TBR1: variants seen among roughly 807,000 people sequenced by gnomAD.
TBR1 encodes the protein T-box brain transcription factor 1.
In TBR1, 7 loss-of-function variants were observed where a neutral mutation model predicts 60.3. The observed-to-expected ratio is 0.12, with a 90% confidence interval of 0.07 to 0.22. The LOEUF is 0.22. Ranked by LOEUF, TBR1 falls within the 10% of genes least tolerant of loss-of-function variation. TBR1 has a pLI of 1.00. For synonymous variants in TBR1, 417 were observed against 409.9 expected (o/e 1.02, Z -0.21); for missense variants, 616 against 936.8 (o/e 0.66, Z 4.47).
Position 161,417,286 on chromosome 2 carries a change from G to C in TBR1, c.692+184G>C, listed in dbSNP as rs1684139952. ...CCGCCAGGGTGATGTTGGTGGGGGG[G>C]ACCCCGTTCTAGGAACATAGTGGGA... is the stretch of plus-strand genomic sequence containing the variant. On this transcript the variant is annotated intron_variant, in intron 1 of 5. Transcript: ENST00000389554. This position sits in a 1 kb window ranked among gnomAD's most constrained non-coding sequence, Gnocchi z 5.3. The C allele has an allele frequency of 1.5e-6, 1 of 656,724 alleles. No individual in the cohort carries two copies. The allele number at this position is 656,724 out of a possible 1,614,324, so 40.7% of individuals were successfully genotyped here. A position where few individuals can be genotyped will look rare whatever the true frequency, so the allele number is the denominator to read the frequency against.
intron 5 of TBR1, chr2:161,420,951 T>G (rs1188234020): frequency 6.6e-6 from 1 of 152,278 alleles, no homozygotes; most frequent in Non-Finnish European, 1.5e-5. Flanking sequence ...AGGTGTGTTT[T>G]AATTAAACAT....
rs763927399 is a variant in TBR1 at position 161,418,843 on chromosome 2, G to T, written c.970-49G>T. 3.0e-5 allele frequency: 48 copies of T among 1,584,662 alleles called. 1 individual carries two copies. The highest frequency in any genetic ancestry group is 1.9e-4 in the South Asian group (17 of 88,650). ...GGGCGCACACAGCCACGCGCACAGC[G>T]ACCGCGTTAACACGCCACCCGGCGC... is the stretch of plus-strand genomic sequence containing the variant. On this transcript the variant is annotated intron_variant, in intron 3 of 5. Transcript: ENST00000389554.
chr2:161,424,249 C>G lies in TBR1; in HGVS notation c.*22C>G. 6.6e-7 allele frequency: 1 copy of G among 1,525,066 alleles called. No homozygotes were observed. The highest frequency in any genetic ancestry group is 1.2e-5 in the South Asian group (1 of 80,480). The allele number at this position is 1,525,066 out of a possible 1,614,324, so 94.5% of individuals were successfully genotyped here. ...CTAGGCCGCCCCTGCCCGCCCGGCCCCGCCGCGGCCCGGACCCCCAGCCAG... is the reference window on the plus strand; with the variant it reads ...CTAGGCCGCCCCTGCCCGCCCGGCCGCGCCGCGGCCCGGACCCCCAGCCAG... On this transcript the variant is annotated 3_prime_UTR_variant, in exon 6 of 6. Transcript: ENST00000389554. The surrounding 1 kb of genome is among the most constrained non-coding windows in gnomAD (Gnocchi z 4.4).
rs765698218 is a variant in TBR1, at chr2:161,417,653, C to T, written c.693-23C>T. ...ATGTTTCTTTTTTCCTTGTTTTCTC[C>T]CCCCACCCCTTAATTTAAATAGGCG... is the stretch of plus-strand genomic sequence containing the variant. On this transcript the variant is annotated intron_variant, in intron 1 of 5. Coordinates refer to ENST00000389554, the MANE Select transcript of TBR1 (RefSeq NM_006593.4). This position sits in a 1 kb window ranked among gnomAD's most constrained non-coding sequence, Gnocchi z 5.3. The T allele has an allele frequency of 3.1e-6, 5 of 1,596,492 alleles. No individual in the cohort carries two copies. Among genetic ancestry groups the T allele is most frequent in the East Asian group, 4.5e-5 (2 of 44,586 alleles).
chr2:161,416,764 T>A lies in TBR1; in HGVS notation c.354T>A (p.Thr118=), dbSNP rs1335134545. The change falls in exon 1 of 6, where the codon ACT becomes ACA. Residue 118 remains threonine (T), a synonymous_variant. Transcript: ENST00000389554. The surrounding 1 kb of genome is among the most constrained non-coding windows in gnomAD (Gnocchi z 6.1). ...SQSSQPQSAA[T]APSAMFPYPG... ...CCAGCCAGCCACAGTCTGCGGCCAC[T>A]GCTCCCAGTGCCATGTTCCCGTACC... 2.5e-6 allele frequency: 4 copies of A among 1,614,054 alleles called. No homozygotes were observed. Among genetic ancestry groups the A allele is most frequent in the Non-Finnish European group, 3.4e-6 (4 of 1,180,046 alleles).
At chr2:161,418,858 C>G in intron 3 of TBR1, 34 bp from the exon 4 acceptor site, 1 of 1,596,544 alleles carries the variant, frequency 6.3e-7, no homozygotes, top group East Asian at 2.3e-5. Flanking sequence ...CGTTAACACG[C>G]CACCCGGCGC....
chr2:161,418,855 A>G, intron 3 of TBR1, 37 bp from the exon 4 acceptor site: 1 of 1,595,390 alleles, frequency 6.3e-7, no homozygotes, highest in South Asian at 1.1e-5. Context: ...CCGCGTTAAC[A>G]CGCCACCCGG....
At position 161,417,152 on chromosome 2, in the gene TBR1, G is replaced by T. The variant is rs1237065008; in HGVS notation, c.692+50G>T. On this transcript the variant is annotated intron_variant, in intron 1 of 5. Transcript: ENST00000389554. The surrounding 1 kb of genome is among the most constrained non-coding windows in gnomAD (Gnocchi z 5.3). ...CTGCTCTAGGCGCAGCCGGGGACAA[G>T]TGCACCTAGGCTGTGACTGCCGCGG... 1 of 1,523,578 alleles carries T rather than the reference G, an allele frequency of 6.6e-7. No homozygotes were observed. The highest frequency in any genetic ancestry group is 2.3e-5 in the East Asian group (1 of 43,946). 94.4% of individuals were successfully genotyped at this position (1,523,578 alleles called of 1,614,324 possible). A position where few individuals can be genotyped will look rare whatever the true frequency, so the allele number is the denominator to read the frequency against.
rs568889589 is a variant in TBR1, at chr2:161,418,169, G to C, written c.848-32G>C. 1,884 of 1,599,310 alleles carry C rather than the reference G, an allele frequency of 1.2e-3. 34 individuals are homozygous for C. In the South Asian group the frequency reaches 0.02, roughly 17 times the overall value. ...GGAGCTGGGACTGGGCAGTGCCAGG[G>C]GCATATGTAAACAATGTATTTCTTT... On this transcript the variant is annotated intron_variant, in intron 2 of 5. Coordinates refer to ENST00000389554, the MANE Select transcript of TBR1 (RefSeq NM_006593.4).
In TBR1 at chr2:161,416,941, A is replaced by G; in HGVS notation, c.531A>G (p.Pro177=). ...ACCCCACGGCCGGCTACCCCTACCCACAGCAGTACGGCCACTCCTACCAAG... is the reference window on the plus strand; with the variant it reads ...ACCCCACGGCCGGCTACCCCTACCCGCAGCAGTACGGCCACTCCTACCAAG... ...QGYPTAGYPY[P]QQYGHSYQGA... The change falls in exon 1 of 6, where the codon CCA becomes CCG. Residue 177 remains proline (P), a synonymous_variant. Coordinates refer to ENST00000389554, the MANE Select transcript of TBR1 (RefSeq NM_006593.4). The surrounding 1 kb of genome is among the most constrained non-coding windows in gnomAD (Gnocchi z 6.1). 1 of 1,613,962 alleles carries G rather than the reference A, an allele frequency of 6.2e-7. No homozygotes were observed.
chr2:161,420,415 C>CTTTTTTTTTTTTTTTTTTTTTTT (rs1318718499), intron 5 of TBR1, 158 bp downstream of exon 5: 2 of 187,390 alleles, frequency 1.1e-5, no homozygotes, highest in Non-Finnish European at 2.2e-5. Flanking sequence ...TCTTCTTCCT[C>CTTTTTTTTTTTTTTTTTTTTTTT]TTCTTTTTTT....
At position 161,417,129 on chromosome 2, in the gene TBR1, G is replaced by A; in HGVS notation, c.692+27G>A. ...TAATACTACATTTTTGGCTGCCGCTGCTCTAGGCGCAGCCGGGGACAAGTG... is the reference window on the plus strand; with the variant it reads ...TAATACTACATTTTTGGCTGCCGCTACTCTAGGCGCAGCCGGGGACAAGTG... On this transcript the variant is annotated intron_variant, in intron 1 of 5. Transcript: ENST00000389554. The surrounding 1 kb of genome is among the most constrained non-coding windows in gnomAD (Gnocchi z 5.3). The A allele has an allele frequency of 6.5e-7, 1 of 1,546,894 alleles. No homozygotes were observed. Among genetic ancestry groups the A allele is most frequent in the South Asian group, 1.3e-5 (1 of 79,934 alleles).
At chr2:161,418,441 G>T in intron 3 of TBR1, 119 bp downstream of exon 3, 1 of 1,373,488 alleles carries the variant, frequency 7.3e-7, no homozygotes, top group Non-Finnish European at 9.7e-7. Flanking sequence ...TCATTAAAAA[G>T]ACTTAAAAAT....
At position 161,416,888 on chromosome 2, in the gene TBR1, C is replaced by G. The variant is rs1312975445; in HGVS notation, c.478C>G (p.Leu160Val). 6.2e-7 allele frequency: 1 copy of G among 1,614,048 alleles called. No individual in the cohort carries two copies. The highest frequency in any genetic ancestry group is 1.1e-5 in the South Asian group (1 of 91,060). Residue 160 changes from leucine to valine, a missense_variant, in exon 1 of 6, where the codon CTC (leucine) becomes GTC (valine). Leu to Val is a conservative substitution (Grantham distance 32). Around this residue, in one of 8 missense-constraint regions of TBR1, gnomAD observed 211 missense variants for 268.7 expected, o/e 0.79. Coordinates refer to ENST00000389554, the MANE Select transcript of TBR1 (RefSeq NM_006593.4). This position sits in a 1 kb window ranked among gnomAD's most constrained non-coding sequence, Gnocchi z 6.1. ...CATCACCAACGGAGCCTACAACAGC[C>G]TCCTGTCCAACTCCTCGCCGCAGGG... ...PVITNGAYNSLLSNSSPQGYP... is the reference protein window; with the variant it reads ...PVITNGAYNSVLSNSSPQGYP...
At position 161,423,921 on chromosome 2, in the gene TBR1, C is replaced by T. The variant is rs749873460; in HGVS notation, c.1743C>T (p.Tyr581=). 5.2e-6 allele frequency: 8 copies of T among 1,528,182 alleles called. No individual in the cohort carries two copies. In the South Asian group the frequency reaches 9.9e-5, roughly 19 times the overall value. The allele number at this position is 1,528,182 out of a possible 1,614,324, so 94.7% of individuals were successfully genotyped here. A position where few individuals can be genotyped will look rare whatever the true frequency, so the allele number is the denominator to read the frequency against. ...AAARMAGANP[Y]LGEEAEGLAA... is the part of the protein sequence containing the mutation. ...CGCGCATGGCCGGCGCCAATCCCTA[C>T]CTGGGCGAGGAGGCCGAGGGCCTGG... The change falls in exon 6 of 6, where the codon TAC becomes TAT. Residue 581 remains tyrosine (Y), a synonymous_variant. Transcript: ENST00000389554.
At position 161,424,118 on chromosome 2, in the gene TBR1, T is replaced by A; in HGVS notation, c.1940T>A (p.Val647Glu). The A allele has an allele frequency of 6.2e-7, 1 of 1,612,660 alleles. No individual in the cohort carries two copies. The change falls in exon 6 of 6, where the codon GTG becomes GAG. Residue 647 changes from valine to glutamate, a missense_variant. Around this residue, in one of 8 missense-constraint regions of TBR1, gnomAD observed 210 missense variants for 297.4 expected, o/e 0.71. Coordinates refer to ENST00000389554, the MANE Select transcript of TBR1 (RefSeq NM_006593.4). This position sits in a 1 kb window ranked among gnomAD's most constrained non-coding sequence, Gnocchi z 4.4. ...RRRISPADTP[V>E]SESSSPLKSE... The stretch of plus-strand genomic sequence containing the variant: ...CGGATCTCGCCGGCCGACACGCCCG[T>A]GTCCGAGAGTTCGTCCCCGCTCAAG...
chr2:161,417,543 C>T lies in TBR1; in HGVS notation c.693-133C>T. 8.5e-7 allele frequency: 1 copy of T among 1,179,102 alleles called. No homozygotes were observed. The highest frequency in any genetic ancestry group is 1.2e-6 in the Non-Finnish European group (1 of 837,022). The allele number at this position is 1,179,102 out of a possible 1,614,324, so 73.0% of individuals were successfully genotyped here. ...TTCTCCCACCACCCTTTTTCTAATC[C>T]AGCAAATATTCGCCTATTTGCTGCA... On this transcript the variant is annotated intron_variant, in intron 1 of 5. Transcript: ENST00000389554. The surrounding 1 kb of genome is among the most constrained non-coding windows in gnomAD (Gnocchi z 5.3).
chr2:161,419,184 T>A, intron 4 of TBR1, 134 bp downstream of exon 4: 1 of 1,369,856 alleles, frequency 7.3e-7, no homozygotes, highest in Non-Finnish European at 1.0e-6. Context: ...CTGTGCGTTT[T>A]AAGGCTTAGG....
At chr2:161,419,456 T>C in intron 4 of TBR1, 1 of 176,322 alleles carries the variant, frequency 5.7e-6, no homozygotes, top group South Asian at 1.3e-4. Flanking sequence ...TAAAAAAAAA[T>C]TTCTCTCTCT....
Sources: gnomAD v4.1 joint callset for allele counts on GRCh38, gnomAD v4.1.1 for gene constraint, gnomAD v4.1.1 regional missense constraint, Gnocchi (gnomAD v3.1) non-coding constraint, MANE v1.5 for transcripts, NCBI Gene and HGNC (gene_info 2026-07-23, HGNC 2026-07-21) for gene names.